ABCB5: variants seen among roughly 807,000 people sequenced by gnomAD.
The protein encoded by ABCB5 is ATP binding cassette subfamily B member 5, also known as ATP-binding cassette sub-family B member 5.
In ABCB5, 155 loss-of-function variants were observed where a neutral mutation model predicts 144.2. That is an observed-to-expected ratio of 1.08 (90% CI 0.94 to 1.23). The LOEUF is 1.23. Ranked by LOEUF, ABCB5 falls within the 50% of genes most tolerant of loss-of-function variation. The pLI is 0.00. For synonymous variants in ABCB5, 610 were observed against 528.6 expected, an observed-to-expected ratio of 1.15 and a Z score of -2.11; for missense variants, 1,830 against 1,520.8, an observed-to-expected ratio of 1.20 and a Z score of -3.38.
chr7:20,685,380 G>C (rs1167630621), intron 15 of ABCB5, among the ~76,000 whole-genome samples: 4 of 152,136 alleles, frequency 2.6e-5, no homozygotes, highest in Non-Finnish European at 4.4e-5. Flanking sequence ...AGTATCTTCT[G>C]TCTCAAAAAG....
chr7:20,644,321 C>T (rs1269868865), intron 7 of ABCB5, among the ~76,000 whole-genome samples: 3 of 152,170 alleles, frequency 2.0e-5, no homozygotes, highest in Admixed American at 6.5e-5. Flanking sequence ...TGAAGCTATC[C>T]GCCCACCTCG....
chr7:20,711,488 G>C (rs1201090981), intron 20 of ABCB5, among the ~76,000 whole-genome samples: 1 of 141,286 alleles, frequency 7.1e-6, no homozygotes, highest in South Asian at 2.3e-4. Context: ...TTGAGACACG[G>C]TCTCACTCTG....
intron 10 of ABCB5, 89 bp from the exon 11 acceptor site, chr7:20,647,879 A>G (rs1404483910): frequency 3.6e-6 from 4 of 1,105,348 alleles, no homozygotes; most frequent in Non-Finnish European, 4.0e-6. Flanking sequence ...ACTGTCATGG[A>G]AGAAAACCAT....
intron 16 of ABCB5, among the ~76,000 whole-genome samples, chr7:20,696,159 C>T (rs1273660893): frequency 6.6e-6 from 1 of 152,046 alleles, no homozygotes; most frequent in Admixed American, 6.6e-5. Context: ...AAGTGGGAAC[C>T]ACTCAAATTT....
At chr7:20,700,501 T>C (rs1237726905) in intron 19 of ABCB5, among the ~76,000 whole-genome samples, 2 of 152,216 alleles carry the variant, frequency 1.3e-5, no homozygotes, top group African/African-American at 4.8e-5. Flanking sequence ...TGAAAAGAAG[T>C]TGTTAATTTC....
At chr7:20,640,333 C>T (rs1015418068) in intron 5 of ABCB5, among the ~76,000 whole-genome samples, 2 of 152,164 alleles carry the variant, frequency 1.3e-5, no homozygotes, top group Non-Finnish European at 2.9e-5. Context: ...CCAAATAATA[C>T]ACAACCTCAC....
chr7:20,718,064 G>C (rs1024807294), intron 20 of ABCB5, among the ~76,000 whole-genome samples: 1 of 147,270 alleles, frequency 6.8e-6, no homozygotes, highest in African/African-American at 2.6e-5. Flanking sequence ...ACCACGCCTG[G>C]CTAATTTTTT....
At chr7:20,727,239 C>T (rs1205047857) in intron 22 of ABCB5, 99 bp downstream of exon 22, 4 of 718,468 alleles carry the variant, frequency 5.6e-6, no homozygotes, top group Non-Finnish European at 8.9e-6. Flanking sequence ...TTCATTTGCT[C>T]TTGAGCCTTT....
chr7:20,651,070 T>C (rs1391892725), intron 12 of ABCB5, among the ~76,000 whole-genome samples: 2 of 152,158 alleles, frequency 1.3e-5, no homozygotes, highest in Non-Finnish European at 2.9e-5. Flanking sequence ...CTAGAAGAAA[T>C]GTAAGGGTCA....
intron 5 of ABCB5, among the ~76,000 whole-genome samples, chr7:20,636,460 CT>C (rs956844943): frequency 6.6e-6 from 1 of 151,898 alleles, no homozygotes. Context: ...ACCATTATTT[CT>C]TTTTTTAAGA....
At chr7:20,677,409 A>AGTCCTGACATCT (rs1290409218) in intron 14 of ABCB5, among the ~76,000 whole-genome samples, 4 of 152,210 alleles carry the variant, frequency 2.6e-5, no homozygotes, top group Non-Finnish European at 5.9e-5. Flanking sequence ...CAGTTATCAA[A>AGTCCTGACATCT]GTCCTGACAT....
chr7:20,755,282 G>A, intron 27 of ABCB5, 145 bp from the exon 28 acceptor site: 1 of 659,472 alleles, frequency 1.5e-6, no homozygotes, highest in Non-Finnish European at 2.6e-6. Flanking sequence ...ATTGAGTAAG[G>A]TGATTATTTT....
At chr7:20,669,849 A>G (rs1231848206) in intron 14 of ABCB5, among the ~76,000 whole-genome samples, 1 of 147,652 alleles carries the variant, frequency 6.8e-6, no homozygotes, top group Non-Finnish European at 1.5e-5. Context: ...CGCGGTTGTC[A>G]GGTTTCTAAT....
chr7:20,755,252 G>T (rs1783051966), intron 27 of ABCB5, among the ~76,000 whole-genome samples, 175 bp from the exon 28 acceptor site: 1 of 152,128 alleles, frequency 6.6e-6, no homozygotes, highest in Non-Finnish European at 1.5e-5. Flanking sequence ...CCCAGCTGTA[G>T]TTAATATTTC....
chr7:20,675,229 C>T (rs1345878366), intron 14 of ABCB5, among the ~76,000 whole-genome samples: 1 of 152,002 alleles, frequency 6.6e-6, no homozygotes, highest in African/African-American at 2.4e-5. Flanking sequence ...CATCACACTT[C>T]CTGATTTCAA....
In ABCB5 at chr7:20,753,348, C is replaced by T. The variant is rs1176558210; in HGVS notation, c.3430-12C>T. On this transcript the variant is annotated splice_polypyrimidine_tract_variant and intron_variant, in intron 26 of 27. Coordinates refer to ENST00000404938, the MANE Select transcript of ABCB5 (RefSeq NM_001163941.2). ...CAAGACTTGCTTTCTTAATTGCATG[C>T]TCCTGTGATAGAAATACAACACACA... 3 of 1,601,004 alleles carry T rather than the reference C, an allele frequency of 1.9e-6. No individual in the cohort carries two copies. The East Asian group carries it at 6.7e-5, about 36-fold the overall frequency.
Position 20,716,483 on chromosome 7 carries a change from A to G in ABCB5, c.2422-6533A>G, listed in dbSNP as rs928146919. On this transcript the variant is annotated intron_variant, in intron 20 of 27. Coordinates refer to ENST00000404938, the MANE Select transcript of ABCB5 (RefSeq NM_001163941.2). ...TAGTATTTTTTTAGGAGCACTTTCC[A>G]GGAACCAAGGGCAAAGACCAATTTT... Among the ~76,000 whole-genome samples the G allele has an allele frequency of 7.2e-5, 11 of 152,256 alleles. No individual in the cohort carries two copies. In the East Asian group the frequency reaches 2.1e-3, roughly 29 times the overall value.
intron 2 of ABCB5, among the ~76,000 whole-genome samples, chr7:20,623,614 T>C (rs1474778521): frequency 1.3e-5 from 2 of 152,192 alleles, no homozygotes; most frequent in Non-Finnish European, 2.9e-5. Flanking sequence ...TAATTTCTTG[T>C]CCACCATTAT....
At chr7:20,687,049 A>ATTT (rs1326152456) in intron 16 of ABCB5, among the ~76,000 whole-genome samples, 44 of 152,318 alleles carry the variant, frequency 2.9e-4, no homozygotes, top group African/African-American at 9.6e-4. Flanking sequence ...TATTTAAATA[A>ATTT]ATAAGCATGC....
Sources: allele counts gnomAD v4.1 joint callset (sites outside exome capture counted in the v4.1 genomes callset), GRCh38; gene constraint gnomAD v4.1.1; transcripts MANE v1.5; gene names NCBI Gene and HGNC (gene_info 2026-07-23, HGNC 2026-07-21).